SEMA3C: variants seen among roughly 807,000 people sequenced by gnomAD.
SEMA3C encodes semaphorin-3C.
In SEMA3C, 47 loss-of-function variants were observed where a neutral mutation model predicts 89.4. The observed-to-expected ratio is 0.53, with a 90% confidence interval of 0.42 to 0.67. The LOEUF (loss-of-function observed/expected upper bound fraction) is 0.67, where lower values mean the gene tolerates loss of function less well. SEMA3C is among the 30% of genes least tolerant of loss of function. The probability of loss-of-function intolerance (pLI) is 0.00; values close to 1 mark genes in which losing one functional copy is unlikely to be tolerated. For synonymous variants in SEMA3C, 310 were observed against 320.2 expected (o/e 0.97, Z 0.34); for missense variants, 839 against 929.1 (o/e 0.90, Z 1.26).
intron 2 of SEMA3C, among the ~76,000 whole-genome samples, chr7:80,858,585 TTAAA>T (rs1790697168): frequency 6.6e-6 from 1 of 152,172 alleles, no homozygotes; most frequent in South Asian, 2.1e-4. Context: ...GAGGAAATTA[TTAAA>T]TAAATAATAG....
intron 1 of SEMA3C, 144 bp downstream of exon 1, chr7:80,918,684 G>A (rs1005357139): frequency 1.3e-4 from 50 of 388,280 alleles, no homozygotes; most frequent in Non-Finnish European, 1.7e-4. Flanking sequence ...CTCTCAGCAA[G>A]GGGAAAGCTT....
Position 80,798,260 on chromosome 7 carries a change from C to A in SEMA3C, c.987-24G>T, listed in dbSNP as rs762622147. On this transcript the variant is annotated intron_variant, in intron 10 of 17. Coordinates refer to ENST00000265361, the MANE Select transcript of SEMA3C (RefSeq NM_006379.5). ...AGCTAAAAAAGAAAACAGAAAAAGG[C>A]ATTTTCAAATTTTTAAAATTAAAAT... 22 of 1,393,524 alleles carry A rather than the reference C, an allele frequency of 1.6e-5. No individual in the cohort carries two copies. In the East Asian group the frequency reaches 5.5e-4, roughly 35 times the overall value. The allele number at this position is 1,393,524 out of a possible 1,614,324, so 86.3% of individuals were successfully genotyped here. A position where few individuals can be genotyped will look rare whatever the true frequency, so the allele number is the denominator to read the frequency against.
At chr7:80,879,609 T>C (rs1791286403) in intron 2 of SEMA3C, among the ~76,000 whole-genome samples, 1 of 152,182 alleles carries the variant, frequency 6.6e-6, no homozygotes, top group Non-Finnish European at 1.5e-5. Flanking sequence ...AGTTATGCTA[T>C]AGAGTCTATG....
intron 2 of SEMA3C, among the ~76,000 whole-genome samples, chr7:80,858,489 G>A (rs1344964295): frequency 1.3e-5 from 2 of 152,118 alleles, no homozygotes; most frequent in Non-Finnish European, 2.9e-5. Flanking sequence ...CTGCTCTTAA[G>A]ATAGTTTGAG....
intron 5 of SEMA3C, among the ~76,000 whole-genome samples, chr7:80,817,797 C>T (rs1163508988): frequency 1.3e-5 from 2 of 152,056 alleles, no homozygotes; most frequent in Non-Finnish European, 2.9e-5. Context: ...TGGCATCCCA[C>T]TTTATACATC....
At chr7:80,835,103 T>C (rs1345973100) in intron 2 of SEMA3C, among the ~76,000 whole-genome samples, 1 of 152,134 alleles carries the variant, frequency 6.6e-6, no homozygotes, top group East Asian at 1.9e-4. Context: ...AATTCAAAAA[T>C]AGGTAAAAGA....
intron 15 of SEMA3C, among the ~76,000 whole-genome samples, chr7:80,754,941 C>A (rs969009996): frequency 1.9e-4 from 3 of 15,490 alleles, no homozygotes; most frequent in African/African-American, 4.9e-4. Flanking sequence ...CCATGCCTGG[C>A]GAATTGTTTT....
At chr7:80,772,699 T>G (rs529171910) in intron 12 of SEMA3C, among the ~76,000 whole-genome samples, 10 of 140,406 alleles carry the variant, frequency 7.1e-5, no homozygotes, top group Non-Finnish European at 1.2e-4. Flanking sequence ...GTTAAACATG[T>G]TTTTTTTTTT....
intron 2 of SEMA3C, among the ~76,000 whole-genome samples, chr7:80,832,214 T>A (rs1328668530): frequency 6.6e-6 from 1 of 152,168 alleles, no homozygotes; most frequent in South Asian, 2.1e-4. Context: ...TTTGACATTG[T>A]GAAGAGAGTA....
intron 2 of SEMA3C, among the ~76,000 whole-genome samples, chr7:80,905,107 G>A (rs1172484711): frequency 1.3e-5 from 2 of 149,416 alleles, no homozygotes; most frequent in Non-Finnish European, 3.0e-5. Flanking sequence ...TTGAGGTAAT[G>A]TTGTTTTGAA....
chr7:80,786,425 G>A (rs375333365), intron 12 of SEMA3C, among the ~76,000 whole-genome samples: 47 of 150,560 alleles, frequency 3.1e-4, no homozygotes, highest in Admixed American at 8.6e-4. Flanking sequence ...CAACTTGGCT[G>A]TGGCATCAAA....
At chr7:80,841,687 C>T (rs1229694661) in intron 2 of SEMA3C, among the ~76,000 whole-genome samples, 2 of 152,142 alleles carry the variant, frequency 1.3e-5, no homozygotes, top group Non-Finnish European at 2.9e-5. Context: ...GCTCTCCCCA[C>T]CAGCAAAAAT....
At chr7:80,884,987 A>C (rs1009629211) in intron 2 of SEMA3C, among the ~76,000 whole-genome samples, 1 of 152,222 alleles carries the variant, frequency 6.6e-6, no homozygotes, top group African/African-American at 2.4e-5. Flanking sequence ...ACAAAGTACA[A>C]GCAAAATATT....
intron 2 of SEMA3C, among the ~76,000 whole-genome samples, chr7:80,842,805 C>A (rs1352382872): frequency 6.6e-6 from 1 of 152,122 alleles, no homozygotes; most frequent in African/African-American, 2.4e-5. Flanking sequence ...TTATGCCATA[C>A]AATCAGAAGA....
intron 2 of SEMA3C, among the ~76,000 whole-genome samples, chr7:80,843,927 AC>A (rs1790330193): frequency 7.3e-6 from 1 of 136,574 alleles, no homozygotes; most frequent in South Asian, 2.3e-4. Flanking sequence ...CTGAGAACAT[AC>A]AAAGTACCTA....
At chr7:80,886,615 G>C (rs900361990) in intron 2 of SEMA3C, among the ~76,000 whole-genome samples, 1 of 152,150 alleles carries the variant, frequency 6.6e-6, no homozygotes, top group Non-Finnish European at 1.5e-5. Context: ...GCCTCCCAAA[G>C]TGCTGGGATT....
At chr7:80,801,449 T>C (rs1282758243) in intron 9 of SEMA3C, among the ~76,000 whole-genome samples, 3 of 152,022 alleles carry the variant, frequency 2.0e-5, no homozygotes, top group Non-Finnish European at 2.9e-5. Flanking sequence ...AAAACAAAAG[T>C]ATGCACAGTG....
At chr7:80,827,509 G>A in intron 3 of SEMA3C, 22 bp from the exon 4 acceptor site, 1 of 1,582,538 alleles carries the variant, frequency 6.3e-7, no homozygotes, top group East Asian at 2.3e-5. Flanking sequence ...GAAAAATAAA[G>A]GTTGCATAAT....
At chr7:80,867,703 C>T (rs147983951) in intron 2 of SEMA3C, among the ~76,000 whole-genome samples, 233 of 148,630 alleles carry the variant, frequency 1.6e-3, no homozygotes, top group African/African-American at 5.7e-3. Context: ...CTTTCTATAT[C>T]GATATGTATA....
Sources: gnomAD v4.1 joint callset for allele counts (sites outside exome capture counted in the v4.1 genomes callset) on GRCh38, gnomAD v4.1.1 for gene constraint, MANE v1.5 for transcripts, NCBI Gene and HGNC (gene_info 2026-07-23, HGNC 2026-07-21) for gene names.